Variants in KSR2 observed in about 807,000 individuals in gnomAD.
KSR2 encodes the protein kinase suppressor of ras 2.
Under a neutral mutation model 107.8 loss-of-function variants are expected in KSR2, and 25 were observed. That is an observed-to-expected ratio of 0.23 (90% CI 0.17 to 0.32). The LOEUF is 0.32. KSR2 is among the 10% of genes least tolerant of loss of function. The pLI, the probability that KSR2 is intolerant of heterozygous loss-of-function variation, is 1.00. For missense variants in KSR2, 887 were observed against 1,268.9 expected, an observed-to-expected ratio of 0.70 and a Z score of 4.57; for synonymous variants, 480 against 507.0, an observed-to-expected ratio of 0.95 and a Z score of 0.71.
Position 117,571,386 on chromosome 12 carries a change from A to T in KSR2, c.1325+7733T>A, listed in dbSNP as rs1236142995. On this transcript the variant is annotated intron_variant, in intron 7 of 19. Transcript: ENST00000339824. ...ATCCCATGGGGATTTCTGCAGGAAAAACTGTACCATAAAATCTATTTGTCT... is the reference window on the plus strand; with the variant it reads ...ATCCCATGGGGATTTCTGCAGGAAATACTGTACCATAAAATCTATTTGTCT... Among the ~76,000 whole-genome samples the T allele has an allele frequency of 3.9e-5, 6 of 152,156 alleles. No individual in the cohort carries two copies. In the East Asian group the frequency reaches 1.2e-3, roughly 29 times the overall value.
chr12:117,488,283 A>G (rs1333181084), intron 14 of KSR2, among the ~76,000 whole-genome samples: 1 of 152,214 alleles, frequency 6.6e-6, no homozygotes, highest in Non-Finnish European at 1.5e-5. Context: ...ACAAATCCAC[A>G]ACCAGCGATT....
At chr12:117,795,173 G>T (rs1890577599) in intron 3 of KSR2, among the ~76,000 whole-genome samples, 2 of 152,150 alleles carry the variant, frequency 1.3e-5, no homozygotes, top group African/African-American at 4.8e-5. Context: ...CGGGTCCCTT[G>T]CTGTTGACAG....
rs1196034499 is a variant in KSR2, at chr12:117,793,127, CACACACACT to C, written c.473-31612_473-31604del. On this transcript the variant is annotated intron_variant, in intron 3 of 19. Transcript: ENST00000339824. ...ACACCAACGTGCACACAAACATGCA[CACACACACT>C]AACATGCATATACCAATATGCACGC... is the stretch of plus-strand genomic sequence containing the variant. Among the ~76,000 whole-genome samples the C allele has an allele frequency of 7.1e-3, 1,005 of 141,384 alleles. 30 individuals carry two copies. Among genetic ancestry groups the C allele is most frequent in the African/African-American group, 0.026 (946 of 36,170 alleles). The allele number at this position is 141,384 out of a possible 152,430, so 92.8% of individuals were successfully genotyped here. A position where few individuals can be genotyped will look rare whatever the true frequency, so the allele number is the denominator to read the frequency against.
chr12:117,471,478 C>T (rs2137115522), intron 17 of KSR2, among the ~76,000 whole-genome samples, 158 bp from the exon 18 acceptor site: 1 of 152,230 alleles, frequency 6.6e-6, no homozygotes, highest in South Asian at 2.1e-4. Context: ...GTGCGACATA[C>T]CTAAAGCTTT....
chr12:117,832,409 C>A (rs1040919027), intron 3 of KSR2, among the ~76,000 whole-genome samples: 1 of 152,190 alleles, frequency 6.6e-6, no homozygotes, highest in African/African-American at 2.4e-5. Context: ...TTGCTAATGG[C>A]TACAGATAAA....
intron 9 of KSR2, among the ~76,000 whole-genome samples, chr12:117,549,598 G>A (rs989365012): frequency 3.9e-5 from 6 of 152,122 alleles, no homozygotes; most frequent in Non-Finnish European, 7.3e-5. Context: ...CTCAGTAAAT[G>A]TGTGCTGGAT....
intron 3 of KSR2, among the ~76,000 whole-genome samples, chr12:117,781,331 A>C (rs1889878729): frequency 6.6e-6 from 1 of 152,110 alleles, no homozygotes; most frequent in African/African-American, 2.4e-5. Flanking sequence ...GGTCTGGAGG[A>C]TGAGTGGCGG....
intron 1 of KSR2, among the ~76,000 whole-genome samples, chr12:117,933,621 T>A (rs1185187853): frequency 6.6e-6 from 1 of 151,980 alleles, no homozygotes. Flanking sequence ...GCATTGTTTA[T>A]CTGAAATTCA....
intron 4 of KSR2, among the ~76,000 whole-genome samples, chr12:117,719,163 T>C (rs913846048): frequency 3.3e-5 from 5 of 152,196 alleles, no homozygotes; most frequent in Non-Finnish European, 5.9e-5. Flanking sequence ...AAATTTCACA[T>C]GAAAAATTCC....
At chr12:117,682,916 G>A (rs960700767) in intron 4 of KSR2, among the ~76,000 whole-genome samples, 3 of 152,124 alleles carry the variant, frequency 2.0e-5, no homozygotes, top group African/African-American at 7.2e-5. Context: ...AGGGGACTCA[G>A]CTCTCCCAGG....
chr12:117,467,258 A>C, intron 19 of KSR2, 53 bp from the exon 20 acceptor site: 2 of 687,184 alleles, frequency 2.9e-6, no homozygotes, highest in Non-Finnish European at 5.3e-6. Flanking sequence ...GGACATGATG[A>C]TGTCATCCGT....
intron 5 of KSR2, among the ~76,000 whole-genome samples, chr12:117,656,568 C>A (rs1313202408): frequency 6.6e-6 from 1 of 152,184 alleles, no homozygotes; most frequent in East Asian, 1.9e-4. Context: ...TAGCCAAGAT[C>A]GTGCCATTGC....
intron 4 of KSR2, among the ~76,000 whole-genome samples, chr12:117,759,733 A>G (rs944326251): frequency 2.0e-5 from 3 of 152,202 alleles, no homozygotes; most frequent in Non-Finnish European, 4.4e-5. Flanking sequence ...GGAATTATAC[A>G]GTATTTGTCA....
chr12:117,875,925 C>T (rs1452783981), intron 1 of KSR2, among the ~76,000 whole-genome samples: 1 of 152,200 alleles, frequency 6.6e-6, no homozygotes, highest in East Asian at 1.9e-4. Context: ...GTCATTTCCC[C>T]AGCGTTCAGA....
chr12:117,933,916 C>T (rs61945391), intron 1 of KSR2, among the ~76,000 whole-genome samples: 95 of 152,144 alleles, frequency 6.2e-4, no homozygotes, highest in Admixed American at 1.6e-3. Context: ...AGATACATGG[C>T]GCCTCTTAAA....
intron 14 of KSR2, among the ~76,000 whole-genome samples, chr12:117,518,658 T>C (rs1319954020): frequency 6.6e-6 from 1 of 152,220 alleles, no homozygotes; most frequent in Non-Finnish European, 1.5e-5. Context: ...GGCTTCCCAT[T>C]GCCGTAGGAT....
At chr12:117,966,635 A>ACACC in intron 1 of KSR2, among the ~76,000 whole-genome samples, 1 of 149,812 alleles carries the variant, frequency 6.7e-6, no homozygotes, top group Non-Finnish European at 1.5e-5. Context: ...ACACACACAC[A>ACACC]CACACACACA....
chr12:117,882,872 T>A (rs866290489), intron 1 of KSR2, among the ~76,000 whole-genome samples: 5 of 151,726 alleles, frequency 3.3e-5, no homozygotes, highest in Non-Finnish European at 7.4e-5. Context: ...CATCCAATCA[T>A]CCATGCAGGC....
intron 1 of KSR2, among the ~76,000 whole-genome samples, chr12:117,948,388 G>T (rs1896262674): frequency 6.6e-6 from 1 of 152,008 alleles, no homozygotes. Context: ...TACTCGGGAG[G>T]CTGAGGCAGG....
Sources: gnomAD v4.1 joint callset for allele counts (sites outside exome capture counted in the v4.1 genomes callset) on GRCh38, gnomAD v4.1.1 for gene constraint, MANE v1.5 for transcripts, NCBI Gene and HGNC (gene_info 2026-07-23, HGNC 2026-07-21) for gene names.